Variants in LRRIQ1 observed in about 807,000 individuals in gnomAD.
LRRIQ1 encodes the protein leucine rich repeats and IQ motif containing 1, also known as leucine-rich repeat- and IQ domain-containing protein 1.
A neutral mutation model predicts 211.9 loss-of-function variants in LRRIQ1; 210 were observed. The observed-to-expected ratio is 0.99, with a 90% confidence interval of 0.89 to 1.11. The LOEUF (loss-of-function observed/expected upper bound fraction) is 1.11. Among genes scored for constraint, LRRIQ1 ranks in the 50% most tolerant of loss-of-function variants. The probability of loss-of-function intolerance (pLI) is 0.00; values close to 1 mark genes in which losing one functional copy is unlikely to be tolerated. For missense variants in LRRIQ1, 2,136 were observed against 1,939.5 expected (o/e 1.10, Z -1.90); for synonymous variants, 699 against 650.1 (o/e 1.08, Z -1.14).
At chr12:85,045,380 T>C (rs1386711725) in intron 4 of LRRIQ1, among the ~76,000 whole-genome samples, 1 of 151,898 alleles carries the variant, frequency 6.6e-6, no homozygotes, top group East Asian at 1.9e-4. Flanking sequence ...TTTTACCTAT[T>C]TCTCCTCCCT....
chr12:85,064,828 G>A (rs1465171126), intron 8 of LRRIQ1, among the ~76,000 whole-genome samples: 1 of 151,774 alleles, frequency 6.6e-6, no homozygotes, highest in Non-Finnish European at 1.5e-5. Context: ...TCGAAAATGA[G>A]TTAACTGTAG....
chr12:85,112,356 ATTAAAG>A lies in LRRIQ1; in HGVS notation c.3377+5746_3377+5751del, dbSNP rs1357322598. 3.3e-5 allele frequency among the ~76,000 whole-genome samples: 5 copies of A among 151,694 alleles called. No individual in the cohort carries two copies. In the East Asian group the frequency reaches 5.8e-4, roughly 18 times the overall value. On this transcript the variant is annotated intron_variant, in intron 15 of 26. Transcript: ENST00000393217. Reference sequence around the variant, plus strand: ...ATCAATATTAATATTTTCTATTAATATTAAAGTTAATGTATAAATAGGCTATTTCTA... The same window carrying A: ...ATCAATATTAATATTTTCTATTAATATTAATGTATAAATAGGCTATTTCTA...
At chr12:85,174,873 C>G (rs12821161) in intron 24 of LRRIQ1, among the ~76,000 whole-genome samples, 11,235 of 151,640 alleles carry the variant, frequency 0.074, 584 homozygotes, top group Non-Finnish European at 0.11. Flanking sequence ...GAAAATAAAC[C>G]AATCTTTTTG....
intron 11 of LRRIQ1, among the ~76,000 whole-genome samples, chr12:85,075,478 G>A (rs770503518): frequency 3.9e-5 from 6 of 152,032 alleles, no homozygotes; most frequent in Admixed American, 6.6e-5. Context: ...CGAAGCTGGC[G>A]CAGGCAAGTT....
At chr12:85,139,615 C>G (rs946232523) in intron 19 of LRRIQ1, among the ~76,000 whole-genome samples, 11 of 151,332 alleles carry the variant, frequency 7.3e-5, no homozygotes, top group Non-Finnish European at 1.6e-4. Flanking sequence ...ACGTAATTTA[C>G]TGAAAGTCTC....
At chr12:85,062,739 A>G (rs1222626176) in intron 8 of LRRIQ1, among the ~76,000 whole-genome samples, 7 of 151,670 alleles carry the variant, frequency 4.6e-5, no homozygotes, top group Admixed American at 1.3e-4. Flanking sequence ...GGTGGGTTGA[A>G]TGGTGGTTCA....
At chr12:85,181,061 C>T (rs1891956761) in intron 24 of LRRIQ1, among the ~76,000 whole-genome samples, 1 of 151,860 alleles carries the variant, frequency 6.6e-6, no homozygotes, top group African/African-American at 2.4e-5. Context: ...GTCAATCAAT[C>T]AATCAGTCAC....
At chr12:85,100,115 G>A (rs949173280) in intron 13 of LRRIQ1, among the ~76,000 whole-genome samples, 8 of 151,628 alleles carry the variant, frequency 5.3e-5, no homozygotes, top group African/African-American at 1.2e-4. Context: ...TTGGACATAC[G>A]CAGTAAGTCA....
Position 85,121,852 on chromosome 12 carries a change from T to C in LRRIQ1, c.3533T>C (p.Ile1178Thr), listed in dbSNP as rs765053032. The change falls in exon 16 of 27, where the codon ATT (isoleucine) becomes ACT (threonine). Residue 1178 changes from isoleucine (I) to threonine (T), a missense_variant. By Grantham distance (89) the Ile-to-Thr change is moderately conservative. Coordinates refer to ENST00000393217, the MANE Select transcript of LRRIQ1 (RefSeq NM_001079910.2). The part of the protein sequence containing the change: ...QSQIREFNLL[I>T]ENYITGKGDV... ...CAGATTCGAGAATTCAACTTGCTAA[T>C]TGAAAATTATATAACTGGAAAAGGG... is the stretch of plus-strand genomic sequence containing the variant. 6 of 1,606,828 alleles carry C rather than the reference T, an allele frequency of 3.7e-6. No homozygotes were observed. Among genetic ancestry groups the C allele is most frequent in the African/African-American group, 2.7e-5 (2 of 74,592 alleles).
At chr12:85,153,278 C>A in intron 21 of LRRIQ1, 133 bp downstream of exon 21, 1 of 934,832 alleles carries the variant, frequency 1.1e-6, no homozygotes. Flanking sequence ...GTGTTAAAAA[C>A]ATCATGGTCA....
intron 24 of LRRIQ1, among the ~76,000 whole-genome samples, chr12:85,193,583 G>A (rs1892718513): frequency 6.7e-6 from 1 of 148,762 alleles, no homozygotes; most frequent in African/African-American, 2.5e-5. Flanking sequence ...AGCTTCATAA[G>A]TGAAGGAGAA....
chr12:85,127,926 G>A lies in LRRIQ1; in HGVS notation c.4102G>A (p.Gly1368Ser), dbSNP rs779798511. The A allele has an allele frequency of 2.5e-6, 4 of 1,613,826 alleles. No individual in the cohort carries two copies. The East Asian group carries it at 8.9e-5, about 36-fold the overall frequency. The change falls in exon 18 of 27, where the codon GGC becomes AGC. Residue 1368 changes from glycine to serine, a missense_variant. Transcript: ENST00000393217. ...STRLHTAATE[G>S]LPNSSIKNQT... ...AAGGCTACATACTGCTGCAACAGAA[G>A]GCCTGCCAAATTCTTCCATCAAGAA...
In LRRIQ1 at chr12:85,175,484, A is replaced by G. The variant is rs890944544; in HGVS notation, c.4822+14770A>G. 3.3e-5 allele frequency among the ~76,000 whole-genome samples: 5 copies of G among 152,318 alleles called. No individual in the cohort carries two copies. The South Asian group carries it at 6.2e-4, about 19-fold the overall frequency. ...GTAAAATCTAGGAGATATAGGAAGT[A>G]ATAAAAAGCAAAGAAGGGTTTCTAT... On this transcript the variant is annotated intron_variant, in intron 24 of 26. Coordinates refer to ENST00000393217, the MANE Select transcript of LRRIQ1 (RefSeq NM_001079910.2).
chr12:85,094,558 C>T (rs1326342992), intron 11 of LRRIQ1, among the ~76,000 whole-genome samples: 1 of 151,934 alleles, frequency 6.6e-6, no homozygotes. Flanking sequence ...ATACCTCTGA[C>T]TTTCTTCTTT....
At chr12:85,099,768 A>G (rs1396576935) in intron 13 of LRRIQ1, among the ~76,000 whole-genome samples, 2 of 151,828 alleles carry the variant, frequency 1.3e-5, no homozygotes, top group Non-Finnish European at 3.0e-5. Context: ...ATTTTTACAT[A>G]TATACCTATT....
At chr12:85,146,295 G>T (rs572750921) in intron 19 of LRRIQ1, among the ~76,000 whole-genome samples, 124 of 151,824 alleles carry the variant, frequency 8.2e-4, no homozygotes, top group Non-Finnish European at 1.4e-3. Context: ...GGTGGTAATT[G>T]TCCACCCCAT....
intron 26 of LRRIQ1, among the ~76,000 whole-genome samples, chr12:85,235,298 A>C (rs1414206324): frequency 6.6e-6 from 1 of 152,186 alleles, no homozygotes; most frequent in African/African-American, 2.4e-5. Flanking sequence ...ATTTTCCTGC[A>C]GAAGACAGAA....
intron 17 of LRRIQ1, among the ~76,000 whole-genome samples, chr12:85,126,444 A>G (rs978286220): frequency 6.6e-6 from 1 of 152,268 alleles, no homozygotes; most frequent in East Asian, 1.9e-4. Context: ...CAAAGTGCCT[A>G]TTAAAGGTGC....
intron 11 of LRRIQ1, among the ~76,000 whole-genome samples, chr12:85,073,405 TA>T (rs1883304248): frequency 6.6e-6 from 1 of 152,106 alleles, no homozygotes; most frequent in Admixed American, 6.6e-5. Flanking sequence ...TTTAAAATTT[TA>T]GTTTAAAATA....
Sources: gnomAD v4.1 joint callset for allele counts (sites outside exome capture counted in the v4.1 genomes callset) on GRCh38, gnomAD v4.1.1 for gene constraint, MANE v1.5 for transcripts, NCBI Gene and HGNC (gene_info 2026-07-23, HGNC 2026-07-21) for gene names.